The following MGAM variants were observed in gnomAD, a reference collection of about 807,000 sequenced individuals.
MGAM encodes the protein alpha-1,4-glucosidase.
Under a neutral mutation model 358.8 loss-of-function variants are expected in MGAM, and 253 were observed. The ratio of observed to expected loss-of-function variants is 0.71; its 90% CI spans 0.64 to 0.78. The LOEUF is 0.78. MGAM is among the 30% of genes least tolerant of loss of function. The probability of loss-of-function intolerance (pLI) is 0.00; values close to 1 mark genes in which losing one functional copy is unlikely to be tolerated. For missense variants in MGAM, 3,080 were observed against 3,432.6 expected (o/e 0.90, Z 2.57); for synonymous variants, 1,105 against 1,227.1 (o/e 0.90, Z 2.08).
chr7:142,034,226 T>G (rs1402721548), intron 14 of MGAM, 36 bp from the exon 15 acceptor site: 1 of 1,452,922 alleles, frequency 6.9e-7, no homozygotes, highest in Non-Finnish European at 9.5e-7. Flanking sequence ...AATGTGCAAC[T>G]TAGGCTCTCA....
At chr7:142,021,542 C>A (rs1206221381) in intron 5 of MGAM, 44 bp from the exon 6 acceptor site, 3 of 1,594,242 alleles carry the variant, frequency 1.9e-6, no homozygotes, top group Non-Finnish European at 2.6e-6. Context: ...GAAGCTCTGA[C>A]AAGTTTTTAT....
At chr7:142,022,940 G>C (rs527534278) in intron 7 of MGAM, among the ~76,000 whole-genome samples, 24 of 152,192 alleles carry the variant, frequency 1.6e-4, no homozygotes, top group Non-Finnish European at 1.2e-4. Flanking sequence ...TGAAAGAATA[G>C]ACAGAGTTTT....
chr7:142,032,804 T>A (rs1807626517), intron 13 of MGAM, 21 bp from the exon 14 acceptor site: 1 of 1,531,532 alleles, frequency 6.5e-7, no homozygotes, highest in Admixed American at 1.7e-5. Flanking sequence ...TTCTTAATAG[T>A]TTTTGCTCTT....
chr7:142,058,053 C>G, intron 30 of MGAM, 150 bp from the exon 31 acceptor site: 1 of 1,245,064 alleles, frequency 8.0e-7, no homozygotes, highest in Non-Finnish European at 1.1e-6. Context: ...TCTAAGTATC[C>G]TAGTGGCTCT....
At chr7:142,024,765 G>A (rs1176656234) in intron 7 of MGAM, among the ~76,000 whole-genome samples, 1 of 152,242 alleles carries the variant, frequency 6.6e-6, no homozygotes, top group African/African-American at 2.4e-5. Context: ...CAGTTTTTCT[G>A]AATTACATTT....
chr7:142,007,857 T>A (rs569440301), intron 2 of MGAM, among the ~76,000 whole-genome samples: 1 of 152,118 alleles, frequency 6.6e-6, no homozygotes, highest in Non-Finnish European at 1.5e-5. Context: ...GACTTGGGGA[T>A]TGGCTGTTGA....
chr7:142,068,091 A>T (rs1218506897), intron 42 of MGAM, among the ~76,000 whole-genome samples: 1 of 119,252 alleles, frequency 8.4e-6, no homozygotes, highest in Non-Finnish European at 1.9e-5. Context: ...GGTTCTAGTG[A>T]TTCTCTTGCC....
At chr7:142,052,745 C>T (rs1241327428) in intron 25 of MGAM, 39 bp from the exon 26 acceptor site, 3 of 1,606,528 alleles carry the variant, frequency 1.9e-6, no homozygotes, top group Non-Finnish European at 2.6e-6. Flanking sequence ...TTTAAGACCA[C>T]ATGCTGTGCT....
Position 142,005,665 on chromosome 7 carries a change from GTAAC to G in MGAM, c.127+10_127+13del. On this transcript the variant is annotated intron_variant, in intron 2 of 70. Coordinates refer to ENST00000475668, the MANE Select transcript of MGAM (RefSeq NM_001365693.1). Reference sequence around the variant, plus strand: ...AGTCACTGAAATCAACAGGTAAGAAGTAACTCTGGGGCTCTCTCCATATGTTGTT... The same window carrying G: ...AGTCACTGAAATCAACAGGTAAGAAGTCTGGGGCTCTCTCCATATGTTGTT... 6 of 1,599,752 alleles carry G rather than the reference GTAAC, an allele frequency of 3.8e-6. No individual in the cohort carries two copies. Among genetic ancestry groups the G allele is most frequent in the Non-Finnish European group, 5.1e-6 (6 of 1,172,548 alleles).
intron 11 of MGAM, 59 bp downstream of exon 11, chr7:142,030,552 T>G (rs1807389887): frequency 6.2e-7 from 1 of 1,609,554 alleles, no homozygotes. Flanking sequence ...CATACACCCA[T>G]CTCTCCTGCT....
intron 21 of MGAM, 33 bp downstream of exon 21, chr7:142,040,879 C>A: frequency 6.3e-7 from 1 of 1,578,350 alleles, no homozygotes; most frequent in South Asian, 1.2e-5. Flanking sequence ...TTTCAGAATT[C>A]ATGTCCTTGC....
Position 142,086,393 on chromosome 7 carries a change from A to G in MGAM, c.6747+65A>G. 5.4e-6 allele frequency: 7 copies of G among 1,290,614 alleles called. 1 individual carries two copies. The highest frequency in any genetic ancestry group is 4.2e-5 in the South Asian group (3 of 71,784). The allele number at this position is 1,290,614 out of a possible 1,614,324, so 79.9% of individuals were successfully genotyped here. A position where few individuals can be genotyped will look rare whatever the true frequency, so the allele number is the denominator to read the frequency against. On this transcript the variant is annotated intron_variant, in intron 56 of 70. Transcript: ENST00000475668. ...GGGTGGGTCACTGTTAGAGGGTCAC[A>G]CGCCTGTGTATGTTATTTTTGGCCT...
At chr7:142,003,008 A>AT (rs1266089855) in intron 1 of MGAM, among the ~76,000 whole-genome samples, 5 of 152,096 alleles carry the variant, frequency 3.3e-5, no homozygotes, top group African/African-American at 9.7e-5. Context: ...CTAGTAATAC[A>AT]TTTGACCAAG....
At position 142,032,915 on chromosome 7, in the gene MGAM, T is replaced by A; in HGVS notation, c.1669+6T>A. Reference sequence around the variant, plus strand: ...TAATCCCCCATTCACTCCCAGTAAGTCTTGGTGGTCAGCAGATTAAAGTAG... The same window carrying A: ...TAATCCCCCATTCACTCCCAGTAAGACTTGGTGGTCAGCAGATTAAAGTAG... On this transcript the variant is annotated splice_donor_region_variant and intron_variant, in intron 14 of 70. Coordinates refer to ENST00000475668, the MANE Select transcript of MGAM (RefSeq NM_001365693.1). 2.5e-6 allele frequency: 4 copies of A among 1,590,768 alleles called. No individual in the cohort carries two copies. In the South Asian group the frequency reaches 4.5e-5, roughly 18 times the overall value.
At position 142,059,684 on chromosome 7, in the gene MGAM, T is replaced by G. The variant is rs530624943; in HGVS notation, c.3948+84T>G. ...GTCAGAGTTATACTTTATTTCCATG[T>G]TGCAAGTAGATAAATTGAAGTGCAG... On this transcript the variant is annotated intron_variant, in intron 32 of 70. Coordinates refer to ENST00000475668, the MANE Select transcript of MGAM (RefSeq NM_001365693.1). 2.0e-5 allele frequency: 32 copies of G among 1,589,936 alleles called. No homozygotes were observed. The African/African-American group carries it at 4.0e-4, about 20-fold the overall frequency.
chr7:142,085,230 G>A (rs1029876799), intron 54 of MGAM, among the ~76,000 whole-genome samples: 2 of 146,456 alleles, frequency 1.4e-5, no homozygotes, highest in African/African-American at 4.9e-5. Flanking sequence ...ATGTACCATC[G>A]CATATCTAAT....
chr7:142,096,960 A>G (rs111900644), intron 65 of MGAM, among the ~76,000 whole-genome samples: 37,708 of 145,954 alleles, frequency 0.26, 5,640 homozygotes, highest in Middle Eastern at 0.34. Flanking sequence ...ACAGAGTCTC[A>G]CTCTGTCATC....
chr7:141,990,696 T>G (rs1200405674), intron 2 of MGAM, among the ~76,000 whole-genome samples: 2 of 152,160 alleles, frequency 1.3e-5, no homozygotes, highest in Non-Finnish European at 2.9e-5. Context: ...TTTTTATTAT[T>G]ATACTTTAAG....
intron 22 of MGAM, among the ~76,000 whole-genome samples, 185 bp downstream of exon 22, chr7:142,048,058 A>T (rs1173586488): frequency 6.6e-6 from 1 of 152,148 alleles, no homozygotes; most frequent in Non-Finnish European, 1.5e-5. Context: ...AAGGAAAGAA[A>T]AATACATTTC....
Sources: gnomAD v4.1 joint callset for allele counts (sites outside exome capture counted in the v4.1 genomes callset) on GRCh38, gnomAD v4.1.1 for gene constraint, MANE v1.5 for transcripts, NCBI Gene and HGNC (gene_info 2026-07-23, HGNC 2026-07-21) for gene names.